Variants in IFI16 observed in about 807,000 individuals in gnomAD.
IFI16 encodes gamma-interferon-inducible protein 16.
In IFI16, 49 loss-of-function variants were observed where a neutral mutation model predicts 68.4. The ratio of observed to expected loss-of-function variants is 0.72; its 90% confidence interval spans 0.57 to 0.91. The LOEUF is 0.91. IFI16 is among the 40% of genes least tolerant of loss of function. IFI16 has a pLI of 0.00. For missense variants in IFI16, 878 were observed against 942.9 expected, an observed-to-expected ratio of 0.93 and a Z score of 0.90; for synonymous variants, 307 against 315.0, an observed-to-expected ratio of 0.97 and a Z score of 0.27.
At chr1:159,053,782 TAAG>T (rs1655509045) in intron 11 of IFI16, 58 bp downstream of exon 11, 5 of 1,327,820 alleles carry the variant, frequency 3.8e-6, no homozygotes, top group African/African-American at 2.9e-5. Flanking sequence ...GTTTATACTT[TAAG>T]AAGACTAGAC....
At chr1:159,027,867 T>G (rs1653768987) in intron 6 of IFI16, among the ~76,000 whole-genome samples, 1 of 152,176 alleles carries the variant, frequency 6.6e-6, no homozygotes, top group East Asian at 1.9e-4. Context: ...TTTATCATTT[T>G]GTTTTTAATT....
At chr1:159,018,201 C>A in intron 4 of IFI16, 28 bp from the exon 5 acceptor site, 2 of 1,585,146 alleles carry the variant, frequency 1.3e-6, no homozygotes, top group South Asian at 1.1e-5. Flanking sequence ...AGACATTTTT[C>A]TTTGTTCTCC....
upstream of IFI16, among the ~76,000 whole-genome samples, chr1:159,008,641 C>G (rs1030504152): frequency 6.6e-6 from 1 of 152,200 alleles, no homozygotes; most frequent in African/African-American, 2.4e-5. Context: ...TAATATCCTT[C>G]TCTACCTACT....
chr1:159,012,726 G>GGAA (rs547703581), intron 1 of IFI16, among the ~76,000 whole-genome samples: 25 of 152,270 alleles, frequency 1.6e-4, no homozygotes, highest in African/African-American at 6.0e-4. Context: ...GTAATTAGGC[G>GGAA]GGAAGGAAGA....
intron 6 of IFI16, among the ~76,000 whole-genome samples, chr1:159,026,643 T>C (rs1653691930): frequency 6.6e-6 from 1 of 152,198 alleles, no homozygotes; most frequent in Non-Finnish European, 1.5e-5. Context: ...TCCCCGAGCA[T>C]AGGATGTGTT....
chr1:159,002,348 T>C (rs1267391622), upstream of IFI16, among the ~76,000 whole-genome samples: 1 of 152,158 alleles, frequency 6.6e-6, no homozygotes, highest in Non-Finnish European at 1.5e-5. Flanking sequence ...ACTAGTGTTA[T>C]TTGCTTCGAA....
At position 159,010,108 on chromosome 1, in the gene IFI16, T is replaced by G. The variant is rs1169177921; in HGVS notation, c.-74T>G. 2.0e-5 allele frequency: 3 copies of G among 152,118 alleles called. No individual in the cohort carries two copies. Among genetic ancestry groups the G allele is most frequent in the Non-Finnish European group, 4.4e-5 (3 of 68,050 alleles). 9.4% of individuals were successfully genotyped at this position (152,118 alleles called of 1,614,324 possible). A position where few individuals can be genotyped will look rare whatever the true frequency, so the allele number is the denominator to read the frequency against. ...CCTCACACAAATAAGCATTGATTCC[T>G]GCATTTCTGAAGATCTCAAGATCTG... On this transcript the variant is annotated 5_prime_UTR_variant, in exon 1 of 12. Transcript: ENST00000295809.
At chr1:159,009,132 T>G (rs1465175), upstream of IFI16, 107,650 of 152,058 alleles carry the variant, frequency 0.71, 38,319 homozygotes, top group East Asian at 0.85. Context: ...GATTTTCAAG[T>G]CTTCGATGCT....
chr1:159,001,027 A>G (rs1333552131), upstream of IFI16, among the ~76,000 whole-genome samples: 6 of 152,202 alleles, frequency 3.9e-5, no homozygotes, highest in African/African-American at 7.2e-5. Flanking sequence ...GGGAAAGTTT[A>G]TTAAATTTGA....
intron 1 of IFI16, among the ~76,000 whole-genome samples, chr1:159,011,150 A>G (rs1457857081): frequency 1.3e-5 from 2 of 152,124 alleles, no homozygotes; most frequent in African/African-American, 4.8e-5. Flanking sequence ...GGGGGAGACC[A>G]AGGCGAGCGG....
intron 1 of IFI16, among the ~76,000 whole-genome samples, chr1:159,010,372 G>A (rs1652473997): frequency 6.6e-6 from 1 of 152,132 alleles, no homozygotes; most frequent in Non-Finnish European, 1.5e-5. Flanking sequence ...CACAACTGAG[G>A]ACTGAACAAG....
chr1:159,015,549 A>G, intron 2 of IFI16: 1 of 186,738 alleles, frequency 5.4e-6, no homozygotes, highest in Non-Finnish European at 1.1e-5. Context: ...ATTAGTTTTT[A>G]AAACAAAATG....
chr1:159,004,872 A>G (rs1652195961), upstream of IFI16, among the ~76,000 whole-genome samples: 1 of 152,216 alleles, frequency 6.6e-6, no homozygotes, highest in African/African-American at 2.4e-5. Flanking sequence ...TCCTCAAAGA[A>G]TGCTTTCTGG....
At chr1:159,031,527 A>T (rs981587936) in intron 6 of IFI16, among the ~76,000 whole-genome samples, 12 of 152,012 alleles carry the variant, frequency 7.9e-5, no homozygotes, top group African/African-American at 2.9e-4. Context: ...TGCTTCCTCT[A>T]CCCCTGTATT....
At chr1:159,038,122 A>C (rs936632318) in intron 7 of IFI16, among the ~76,000 whole-genome samples, 1 of 152,068 alleles carries the variant, frequency 6.6e-6, no homozygotes, top group African/African-American at 2.4e-5. Context: ...CAAGTAAAAA[A>C]CTTTGGTAAT....
At chr1:159,005,116 C>A (rs573286304), upstream of IFI16, among the ~76,000 whole-genome samples, 10 of 152,224 alleles carry the variant, frequency 6.6e-5, no homozygotes, top group African/African-American at 2.4e-4. Flanking sequence ...GGTGAATTCG[C>A]CCCGTTTGTC....
At chr1:159,023,923 G>C (rs747450069) in intron 6 of IFI16, among the ~76,000 whole-genome samples, 39 of 152,146 alleles carry the variant, frequency 2.6e-4, no homozygotes, top group Non-Finnish European at 4.1e-4. Flanking sequence ...GCGGACCCCC[G>C]GGGTATTGAG....
chr1:159,045,720 T>C (rs1199894259), intron 8 of IFI16, among the ~76,000 whole-genome samples: 2 of 151,278 alleles, frequency 1.3e-5, no homozygotes, highest in African/African-American at 2.4e-5. Context: ...CTTTTTGTTT[T>C]TCCCTCAATA....
Position 159,046,999 on chromosome 1 carries a change from G to A in IFI16, c.1497+1535G>A, listed in dbSNP as rs973938862. ...CAACCCTTATCCCAGCTTGCCTTTTGTTCTGCCCTGATACCTCTGTATGAC... is the reference window on the plus strand; with the variant it reads ...CAACCCTTATCCCAGCTTGCCTTTTATTCTGCCCTGATACCTCTGTATGAC... On this transcript the variant is annotated intron_variant, in intron 8 of 11. Coordinates refer to ENST00000295809, the MANE Select transcript of IFI16 (RefSeq NM_001376587.1). Among the ~76,000 whole-genome samples, 16 of 151,162 alleles carry A rather than the reference G, an allele frequency of 1.1e-4. 1 individual carries two copies. Among genetic ancestry groups the A allele is most frequent in the African/African-American group, 3.6e-4 (15 of 41,226 alleles).
Sources: gnomAD v4.1 joint callset for allele counts (sites outside exome capture counted in the v4.1 genomes callset) on GRCh38, gnomAD v4.1.1 for gene constraint, MANE v1.5 for transcripts, NCBI Gene and HGNC (gene_info 2026-07-23, HGNC 2026-07-21) for gene names.